Variants in FAT4 observed in about 807,000 individuals in gnomAD.
FAT4 encodes the protein FAT atypical cadherin 4, also known as protocadherin Fat 4.
Under a neutral mutation model 303.9 loss-of-function variants are expected in FAT4, and 84 were observed. That is an observed-to-expected ratio of 0.28 (90% CI 0.23 to 0.33). FAT4 has a LOEUF of 0.33. Ranked by LOEUF, FAT4 falls within the 10% of genes least tolerant of loss-of-function variation. The pLI is 1.00. For missense variants in FAT4, 6,005 were observed against 6,146.8 expected, an observed-to-expected ratio of 0.98 and a Z score of 0.77; for synonymous variants, 2,307 against 2,298.8, an observed-to-expected ratio of 1.00 and a Z score of -0.10.
Position 125,452,479 on chromosome 4 carries a change from G to A in FAT4, c.11469G>A (p.Leu3823=), listed in dbSNP as rs567321251. 6.2e-7 allele frequency: 1 copy of A among 1,613,984 alleles called. No homozygotes were observed. The highest frequency in any genetic ancestry group is 1.7e-5 in the Admixed American group (1 of 60,026). ...CQNGGSCLRR[L]AVSSVLKSRE... Reference sequence around the variant, plus strand: ...ATGGAGGGAGCTGTCTACGAAGATTGGCTGTGAGCTCCGTATTAAAAAGCC... The same window carrying A: ...ATGGAGGGAGCTGTCTACGAAGATTAGCTGTGAGCTCCGTATTAAAAAGCC... The change falls in exon 10 of 18, where the codon TTG becomes TTA. Residue 3823 remains leucine, a synonymous_variant. Coordinates refer to ENST00000394329, the MANE Select transcript of FAT4 (RefSeq NM_001291303.3).
intron 15 of FAT4, 80 bp from the exon 16 acceptor site, chr4:125,481,441 A>G (rs1727221780): frequency 1.7e-6 from 2 of 1,200,342 alleles, no homozygotes; most frequent in Non-Finnish European, 2.4e-6. Context: ...TGTCCTTTTT[A>G]TATTTTTGTC....
Position 125,481,024 on chromosome 4 carries a change from A to C in FAT4, c.12605-497A>C, listed in dbSNP as rs185629700. Among the ~76,000 whole-genome samples, 4 of 152,198 alleles carry C rather than the reference A, an allele frequency of 2.6e-5. No individual in the cohort carries two copies. The East Asian group carries it at 7.7e-4, about 29-fold the overall frequency. ...ATATACATACTGATTATACATGATG[A>C]TAAATTATATGTGATGATTACTGAA... is the stretch of plus-strand genomic sequence containing the variant. On this transcript the variant is annotated intron_variant, in intron 15 of 17. Transcript: ENST00000394329.
intron 2 of FAT4, among the ~76,000 whole-genome samples, chr4:125,358,148 C>T (rs2663295): frequency 0.52 from 79,574 of 151,656 alleles, 20,887 homozygotes; most frequent in Admixed American, 0.62. Context: ...ATTTTATGTT[C>T]CAGTGTTTTA....
At chr4:125,475,896 T>C in intron 12 of FAT4, among the ~76,000 whole-genome samples, 1 of 152,272 alleles carries the variant, frequency 6.6e-6, no homozygotes, top group East Asian at 1.9e-4. Context: ...ATTTTTATCT[T>C]TTTTCACCTA....
chr4:125,419,114 T>G (rs1370725828), intron 7 of FAT4, among the ~76,000 whole-genome samples: 1 of 152,212 alleles, frequency 6.6e-6, no homozygotes, highest in Admixed American at 6.5e-5. Context: ...TCCTTCATGT[T>G]TGTATCTATG....
intron 2 of FAT4, among the ~76,000 whole-genome samples, chr4:125,356,263 A>G (rs952816613): frequency 5.9e-5 from 9 of 152,032 alleles, no homozygotes; most frequent in Non-Finnish European, 1.3e-4. Context: ...CATGTCTTAA[A>G]GTTGGATGTA....
At chr4:125,401,044 G>GTAAC (rs1302048559) in intron 3 of FAT4, among the ~76,000 whole-genome samples, 7 of 151,922 alleles carry the variant, frequency 4.6e-5, no homozygotes, top group Non-Finnish European at 8.8e-5. Flanking sequence ...ATGGAAGGGA[G>GTAAC]TAACTAGGTG....
chr4:125,448,779 C>T lies in FAT4; in HGVS notation c.7769C>T (p.Thr2590Ile), dbSNP rs1283312612. The change falls in exon 10 of 18, where the codon ACC becomes ATC. Residue 2590 changes from threonine (T) to isoleucine (I), a missense_variant. Coordinates refer to ENST00000394329, the MANE Select transcript of FAT4 (RefSeq NM_001291303.3). The stretch of plus-strand genomic sequence containing the variant: ...CAACCAGTCAGCTCTCTTGTCACCA[C>T]CATCACAGGATCCTCTTTAAGAGGA... Reference protein sequence around the residue: ...ENQPVSSLVTTITGSSLRGEP... With the variant: ...ENQPVSSLVTIITGSSLRGEP... 1 of 1,611,712 alleles carries T rather than the reference C, an allele frequency of 6.2e-7. No individual in the cohort carries two copies. The highest frequency in any genetic ancestry group is 1.1e-5 in the South Asian group (1 of 91,080).
At chr4:125,445,777 C>T (rs977048079) in intron 8 of FAT4, among the ~76,000 whole-genome samples, 1 of 152,082 alleles carries the variant, frequency 6.6e-6, no homozygotes, top group African/African-American at 2.4e-5. Context: ...CTAGAAAGGT[C>T]TTTGTATAAA....
At position 125,479,734 on chromosome 4, in the gene FAT4, A is replaced by AT; in HGVS notation, c.12480-3dup. 1 of 1,577,564 alleles carries AT rather than the reference A, an allele frequency of 6.3e-7. No homozygotes were observed. The highest frequency in any genetic ancestry group is 2.2e-5 in the East Asian group (1 of 44,564). ...TGCGTTATTGTTCTCATTATGATTT[A>AT]TTTTAGATGCCCTAGGCTGGAAGGC... On this transcript the variant is annotated splice_region_variant and splice_polypyrimidine_tract_variant and intron_variant, in intron 14 of 17. Transcript: ENST00000394329.
At position 125,372,112 on chromosome 4, in the gene FAT4, A is replaced by G. The variant is rs909664791; in HGVS notation, c.5176-26672A>G. The stretch of plus-strand genomic sequence containing the variant: ...CTGTAATCCCAACACTTTGGAAGGC[A>G]GAGGTGGGAGGGTTGCATGTGCTTA... On this transcript the variant is annotated intron_variant, in intron 2 of 17. Coordinates refer to ENST00000394329, the MANE Select transcript of FAT4 (RefSeq NM_001291303.3). Among the ~76,000 whole-genome samples, 62 of 152,096 alleles carry G rather than the reference A, an allele frequency of 4.1e-4. 1 individual carries two copies. Among genetic ancestry groups the G allele is most frequent in the Admixed American group, 3.7e-3 (56 of 15,252 alleles).
At chr4:125,385,001 CATATATAT>C (rs1277413637) in intron 2 of FAT4, among the ~76,000 whole-genome samples, 13 of 120,254 alleles carry the variant, frequency 1.1e-4, no homozygotes, top group African/African-American at 4.1e-4. Flanking sequence ...TATATATATA[CATATATAT>C]ATATATATAT....
chr4:125,386,042 A>G (rs1000107227), intron 2 of FAT4, among the ~76,000 whole-genome samples: 1 of 152,052 alleles, frequency 6.6e-6, no homozygotes, highest in Non-Finnish European at 1.5e-5. Flanking sequence ...TCATCAGGGG[A>G]TAATTCTTAG....
chr4:125,383,959 C>A (rs192848266), intron 2 of FAT4, among the ~76,000 whole-genome samples: 15 of 152,304 alleles, frequency 9.8e-5, no homozygotes, highest in African/African-American at 3.4e-4. Flanking sequence ...GACTGACATA[C>A]TTCATTGAGC....
chr4:125,456,123 G>T (rs1287677752), intron 10 of FAT4, among the ~76,000 whole-genome samples: 1 of 152,188 alleles, frequency 6.6e-6, no homozygotes, highest in Non-Finnish European at 1.5e-5. Flanking sequence ...CTGGAAGGGA[G>T]TCTGGAAAAG....
intron 5 of FAT4, among the ~76,000 whole-genome samples, chr4:125,410,081 G>A (rs1228664360): frequency 6.6e-6 from 1 of 152,034 alleles, no homozygotes; most frequent in African/African-American, 2.4e-5. Context: ...GATATGAGAA[G>A]CAAAAAGGAC....
intron 3 of FAT4, among the ~76,000 whole-genome samples, chr4:125,402,309 TG>T (rs1734417590): frequency 6.6e-6 from 1 of 151,946 alleles, no homozygotes; most frequent in South Asian, 2.1e-4. Flanking sequence ...ACTATTTTCA[TG>T]GGTCTGAATT....
At chr4:125,429,932 C>T (rs1378851765) in intron 7 of FAT4, among the ~76,000 whole-genome samples, 5 of 152,000 alleles carry the variant, frequency 3.3e-5, no homozygotes, top group South Asian at 2.1e-4. Context: ...ATCCACTACA[C>T]GGTGGGAAAC....
chr4:125,323,312 T>C (rs190062428), intron 2 of FAT4, among the ~76,000 whole-genome samples: 2 of 152,196 alleles, frequency 1.3e-5, no homozygotes. Context: ...TATGCAAAGA[T>C]TGGCTTAGCA....
Sources: allele counts gnomAD v4.1 joint callset (sites outside exome capture counted in the v4.1 genomes callset), GRCh38; gene constraint gnomAD v4.1.1; transcripts MANE v1.5; gene names NCBI Gene and HGNC (gene_info 2026-07-23, HGNC 2026-07-21).